Variants in GRB14 observed in about 807,000 individuals in gnomAD.
GRB14 encodes growth factor receptor-bound protein 14.
In GRB14, 38 loss-of-function variants were observed where a neutral mutation model predicts 69.1. The ratio of observed to expected loss-of-function variants is 0.55; its 90% CI spans 0.42 to 0.72. The LOEUF (loss-of-function observed/expected upper bound fraction) is 0.72. GRB14 is among the 30% of genes least tolerant of loss of function. The pLI is 0.00. For missense variants in GRB14, 666 were observed against 666.1 expected (o/e 1.00, Z 0.00); for synonymous variants, 247 against 241.3 (o/e 1.02, Z -0.22).
intron 2 of GRB14, chr2:164,568,341 T>C (rs1425547810): frequency 4.7e-6 from 6 of 1,288,972 alleles, no homozygotes; most frequent in Non-Finnish European, 6.1e-6. Context: ...ATTGGCGTTA[T>C]TGCAGGCAGA....
At chr2:164,554,555 T>C (rs747655768) in intron 2 of GRB14, among the ~76,000 whole-genome samples, 4 of 152,112 alleles carry the variant, frequency 2.6e-5, no homozygotes, top group Non-Finnish European at 5.9e-5. Flanking sequence ...AAGGCCAAGA[T>C]TGTACACACT....
At chr2:164,587,932 G>A (rs2105343433) in intron 2 of GRB14, among the ~76,000 whole-genome samples, 1 of 152,252 alleles carries the variant, frequency 6.6e-6, no homozygotes, top group East Asian at 1.9e-4. Flanking sequence ...TCTTTTCAAA[G>A]GCAGTGTTTG....
intron 6 of GRB14, among the ~76,000 whole-genome samples, chr2:164,518,780 T>C (rs957856170): frequency 6.6e-6 from 1 of 151,840 alleles, no homozygotes; most frequent in Non-Finnish European, 1.5e-5. Flanking sequence ...AGAACATGGA[T>C]AAATTTCTGG....
intron 12 of GRB14, 103 bp downstream of exon 12, chr2:164,496,905 A>G: frequency 1.2e-6 from 1 of 869,556 alleles, no homozygotes; most frequent in Non-Finnish European, 1.9e-6. Flanking sequence ...CTGTTTTATG[A>G]TAAGCCCAAA....
intron 2 of GRB14, among the ~76,000 whole-genome samples, chr2:164,588,129 T>G (rs528278743): frequency 1.1e-4 from 16 of 152,204 alleles, no homozygotes; most frequent in African/African-American, 3.8e-4. Flanking sequence ...CTTCTAAAAC[T>G]CTCTATAGGA....
At chr2:164,496,329 T>C (rs566990660) in intron 12 of GRB14, among the ~76,000 whole-genome samples, 2 of 152,286 alleles carry the variant, frequency 1.3e-5, no homozygotes, top group African/African-American at 4.8e-5. Context: ...GCCAGTATTA[T>C]AGAAAGTATC....
At chr2:164,528,491 T>C (rs1022446822) in intron 3 of GRB14, among the ~76,000 whole-genome samples, 2 of 152,056 alleles carry the variant, frequency 1.3e-5, no homozygotes, top group African/African-American at 2.4e-5. Flanking sequence ...ACACCCAAAC[T>C]CTTGAAAGTA....
rs150543884 is a variant in GRB14, at chr2:164,584,240, G to A, written c.324+35447C>T. 2.5e-3 allele frequency among the ~76,000 whole-genome samples: 358 copies of A among 144,814 alleles called. 9 individuals carry two copies. The East Asian group carries it at 0.062, about 25-fold the overall frequency. ...GGCTGGTCTTGAACTCCTGAGCTCA[G>A]GTAATCCACCTGCCTCAGCCTCCCA... On this transcript the variant is annotated intron_variant, in intron 2 of 13. Coordinates refer to ENST00000263915, the MANE Select transcript of GRB14 (RefSeq NM_004490.3).
At chr2:164,599,059 T>C (rs1283207273) in intron 2 of GRB14, among the ~76,000 whole-genome samples, 1 of 152,196 alleles carries the variant, frequency 6.6e-6, no homozygotes, top group Non-Finnish European at 1.5e-5. Flanking sequence ...GCAGCTGGTG[T>C]AGGAGCTAGT....
intron 5 of GRB14, among the ~76,000 whole-genome samples, chr2:164,524,488 A>G (rs1204796548): frequency 6.6e-6 from 1 of 152,118 alleles, no homozygotes; most frequent in Non-Finnish European, 1.5e-5. Flanking sequence ...AATTCAGCTA[A>G]GAATATTTCA....
intron 3 of GRB14, among the ~76,000 whole-genome samples, chr2:164,536,991 G>C (rs1009157639): frequency 6.6e-6 from 1 of 152,148 alleles, no homozygotes; most frequent in South Asian, 2.1e-4. Flanking sequence ...GTATGAGTAC[G>C]GACGGTGGCA....
At chr2:164,596,996 G>A (rs1689800134) in intron 2 of GRB14, among the ~76,000 whole-genome samples, 1 of 152,112 alleles carries the variant, frequency 6.6e-6, no homozygotes, top group South Asian at 2.1e-4. Context: ...CTAAGGAACG[G>A]AAGGATTAAA....
intron 2 of GRB14, among the ~76,000 whole-genome samples, chr2:164,583,991 CTTT>C (rs373813114): frequency 7.0e-6 from 1 of 142,420 alleles, no homozygotes. Context: ...GAATGCATTG[CTTT>C]TTTTTTTTGG....
chr2:164,532,347 T>A (rs980986629), intron 3 of GRB14, among the ~76,000 whole-genome samples: 1 of 152,180 alleles, frequency 6.6e-6, no homozygotes, highest in African/African-American at 2.4e-5. Flanking sequence ...CATGTCTGAG[T>A]CTGACAGCTG....
At chr2:164,543,094 T>C (rs1334552684) in intron 3 of GRB14, among the ~76,000 whole-genome samples, 1 of 151,764 alleles carries the variant, frequency 6.6e-6, no homozygotes, top group African/African-American at 2.4e-5. Context: ...GGAGTTGAAT[T>C]CAAGCCTGGC....
At chr2:164,578,199 C>G (rs571146594) in intron 2 of GRB14, among the ~76,000 whole-genome samples, 1 of 151,980 alleles carries the variant, frequency 6.6e-6, no homozygotes, top group African/African-American at 2.4e-5. Flanking sequence ...TGCCACTGCA[C>G]TCCAGCCTGG....
intron 3 of GRB14, among the ~76,000 whole-genome samples, chr2:164,528,682 G>C (rs1479235458): frequency 1.3e-5 from 2 of 151,832 alleles, no homozygotes; most frequent in African/African-American, 4.8e-5. Context: ...CTACAATCTT[G>C]GTTCAACTCT....
At chr2:164,496,925 C>A in intron 12 of GRB14, 83 bp downstream of exon 12, 2 of 1,085,308 alleles carry the variant, frequency 1.8e-6, no homozygotes, top group Middle Eastern at 2.0e-4. Context: ...ATCAAGAACT[C>A]TTTGTGGCTA....
intron 2 of GRB14, among the ~76,000 whole-genome samples, chr2:164,583,427 T>C (rs1689460860): frequency 6.6e-6 from 1 of 152,158 alleles, no homozygotes; most frequent in Non-Finnish European, 1.5e-5. Context: ...AAAGTGAATA[T>C]TGAGTGGACA....
Sources: gnomAD v4.1 joint callset for allele counts (sites outside exome capture counted in the v4.1 genomes callset) on GRCh38, gnomAD v4.1.1 for gene constraint, MANE v1.5 for transcripts, NCBI Gene and HGNC (gene_info 2026-07-23, HGNC 2026-07-21) for gene names.